The following BSPRY variants were observed in gnomAD, a reference collection of about 807,000 sequenced individuals.
BSPRY encodes the protein B-box and SPRY domain containing, also known as B box and SPRY domain-containing protein.
Under a neutral mutation model 38.0 loss-of-function variants are expected in BSPRY, and 33 were observed. The ratio of observed to expected loss-of-function variants is 0.87; its 90% CI spans 0.66 to 1.16. The LOEUF is 1.16. Ranked by LOEUF, BSPRY falls within the 50% of genes most tolerant of loss-of-function variation. The pLI is 0.00. For synonymous variants in BSPRY, 224 were observed against 228.5 expected, an observed-to-expected ratio of 0.98 and a Z score of 0.18; for missense variants, 523 against 533.2, an observed-to-expected ratio of 0.98 and a Z score of 0.19.
At position 113,369,737 on chromosome 9, in the gene BSPRY, CT is replaced by C. The variant is rs780241775; in HGVS notation, c.806del (p.Phe269SerfsTer22). On this transcript the variant is annotated frameshift_variant, in exon 6 of 6. Transcript: ENST00000374183. LOFTEE classifies it high-confidence loss of function. ...AGGCCTGTGCAGATGGCCCGGAGCGCTTCGACCACTGGCCCAATGCCCTGGC... is the reference window on the plus strand; with the variant it reads ...AGGCCTGTGCAGATGGCCCGGAGCGCTCGACCACTGGCCCAATGCCCTGGC... ...SKACADGPER[F>X]DHWPNALAAT... The C allele has an allele frequency of 2.5e-6, 4 of 1,614,122 alleles. No individual in the cohort carries two copies. The African/African-American group carries it at 4.0e-5, about 16-fold the overall frequency.
intron 2 of BSPRY, among the ~76,000 whole-genome samples, chr9:113,355,678 G>A (rs1476047193): frequency 1.3e-5 from 2 of 150,692 alleles, no homozygotes; most frequent in South Asian, 2.1e-4. Flanking sequence ...GCAATGGCGC[G>A]ATCTCGGCTC....
chr9:113,350,304 C>T (rs1181798478), intron 1 of BSPRY, among the ~76,000 whole-genome samples: 1 of 152,124 alleles, frequency 6.6e-6, no homozygotes, highest in African/African-American at 2.4e-5. Flanking sequence ...CTCCTCCTTT[C>T]GCCTCTTCCC....
chr9:113,356,309 C>T (rs1455667445), intron 2 of BSPRY, among the ~76,000 whole-genome samples: 2 of 152,038 alleles, frequency 1.3e-5, no homozygotes, highest in African/African-American at 4.8e-5. Context: ...TCCAGACCAT[C>T]CTGGCTAACG....
At position 113,369,695 on chromosome 9, in the gene BSPRY, C is replaced by G; in HGVS notation, c.762C>G (p.Phe254Leu). The change falls in exon 6 of 6, where the codon TTC (phenylalanine) becomes TTG (leucine). Residue 254 changes from phenylalanine (F) to leucine (L), a missense_variant. By Grantham distance (22) the Phe-to-Leu change is conservative. Transcript: ENST00000374183. Reference protein sequence around the residue: ...QLSDDRKTLTFSTKKSKACAD... With the variant: ...QLSDDRKTLTLSTKKSKACAD... Reference sequence around the variant, plus strand: ...CAGATGATCGAAAGACCCTGACCTTCAGCACCAAGAAGTCAAAGGCCTGTG... The same window carrying G: ...CAGATGATCGAAAGACCCTGACCTTGAGCACCAAGAAGTCAAAGGCCTGTG... 6.2e-7 allele frequency: 1 copy of G among 1,614,112 alleles called. No homozygotes were observed. The highest frequency in any genetic ancestry group is 2.2e-5 in the East Asian group (1 of 44,896).
chr9:113,364,774 A>C (rs954241331), intron 4 of BSPRY, among the ~76,000 whole-genome samples: 3 of 152,164 alleles, frequency 2.0e-5, no homozygotes, highest in Non-Finnish European at 4.4e-5. Context: ...AAACAAAGAC[A>C]TTCCCTTACA....
chr9:113,352,356 A>G (rs541658193), intron 1 of BSPRY, among the ~76,000 whole-genome samples: 35 of 152,332 alleles, frequency 2.3e-4, no homozygotes, highest in African/African-American at 7.7e-4. Flanking sequence ...AACACATAAT[A>G]TATAGTCAGA....
intron 3 of BSPRY, 71 bp from the exon 4 acceptor site, chr9:113,362,297 TA>T: frequency 2.6e-6 from 4 of 1,560,460 alleles, no homozygotes; most frequent in Non-Finnish European, 3.5e-6. Context: ...TTCTGGTAGT[TA>T]AATCTGTCTT....
Position 113,349,798 on chromosome 9 carries a change from C to T in BSPRY, c.201+18C>T. 1.6e-6 allele frequency: 2 copies of T among 1,225,594 alleles called. No individual in the cohort carries two copies. The highest frequency in any genetic ancestry group is 2.0e-6 in the Non-Finnish European group (2 of 983,986). 75.9% of individuals were successfully genotyped at this position (1,225,594 alleles called of 1,614,324 possible). On this transcript the variant is annotated intron_variant, in intron 1 of 5. Coordinates refer to ENST00000374183, the MANE Select transcript of BSPRY (RefSeq NM_017688.3). ...AGCTGCGGGTGAGCGGGTGTGGGCG[C>T]CGGAAGGCGAGGGCTCCGGAGACCC...
At chr9:113,356,725 A>G (rs1834065961) in intron 2 of BSPRY, among the ~76,000 whole-genome samples, 3 of 152,192 alleles carry the variant, frequency 2.0e-5, no homozygotes, top group South Asian at 4.1e-4. Flanking sequence ...GATGTAGGCT[A>G]TGAAAGAAAG....
chr9:113,368,119 C>G, intron 4 of BSPRY, 140 bp from the exon 5 acceptor site: 2 of 1,036,566 alleles, frequency 1.9e-6, no homozygotes, highest in Admixed American at 4.0e-5. Context: ...CAGGGGTGAG[C>G]CACTGCACCT....
At position 113,369,883 on chromosome 9, in the gene BSPRY, G is replaced by A. The variant is rs763014503; in HGVS notation, c.950G>A (p.Arg317His). The A allele has an allele frequency of 9.9e-6, 16 of 1,614,124 alleles. No individual in the cohort carries two copies. Among genetic ancestry groups the A allele is most frequent in the South Asian group, 3.3e-5 (3 of 91,094 alleles). The part of the protein sequence containing the change: ...LPRKGSGSDC[R>H]LGHNAFSWVF... ...CGCAAGGGTTCTGGCAGTGACTGCC[G>A]TCTGGGCCACAATGCCTTCTCCTGG... The change falls in exon 6 of 6, where the codon CGT becomes CAT. Residue 317 changes from arginine to histidine, a missense_variant. By Grantham distance (29) the Arg-to-His change is conservative (BLOSUM62 0). Transcript: ENST00000374183.
At chr9:113,368,405 G>T (rs764829200) in intron 5 of BSPRY, 22 bp downstream of exon 5, 6 of 1,609,254 alleles carry the variant, frequency 3.7e-6, no homozygotes, top group Non-Finnish European at 4.2e-6. Flanking sequence ...TAGAGCCCAG[G>T]ACCATTAGGA....
intron 2 of BSPRY, among the ~76,000 whole-genome samples, chr9:113,356,318 C>A (rs181960880): frequency 3.3e-5 from 5 of 152,002 alleles, no homozygotes; most frequent in Admixed American, 2.0e-4. Flanking sequence ...TCCTGGCTAA[C>A]GCGGTGAAAC....
chr9:113,369,609 C>T lies in BSPRY; in HGVS notation c.683-7C>T. Reference sequence around the variant, plus strand: ...CCCTCGGCAACTCTGAGAATTCTTTCTGGCAGGCACAGAGGACATACGGAT... The same window carrying T: ...CCCTCGGCAACTCTGAGAATTCTTTTTGGCAGGCACAGAGGACATACGGAT... On this transcript the variant is annotated splice_region_variant and splice_polypyrimidine_tract_variant and intron_variant, in intron 5 of 5. Transcript: ENST00000374183. 1.9e-6 allele frequency: 3 copies of T among 1,593,612 alleles called. No individual in the cohort carries two copies. The highest frequency in any genetic ancestry group is 1.7e-6 in the Non-Finnish European group (2 of 1,168,052).
In BSPRY at chr9:113,370,221, G is replaced by A; in HGVS notation, c.*79G>A. On this transcript the variant is annotated 3_prime_UTR_variant, in exon 6 of 6. Coordinates refer to ENST00000374183, the MANE Select transcript of BSPRY (RefSeq NM_017688.3). The surrounding 1 kb of genome is among the most constrained non-coding windows in gnomAD (Gnocchi z 4.8). The stretch of plus-strand genomic sequence containing the variant: ...TCTACTCAGTGTGCTTTTCCCAAAT[G>A]ATGTGTGTGGTGTTTCTAAGAGAAA... The A allele has an allele frequency of 1.4e-6, 2 of 1,466,560 alleles. No individual in the cohort carries two copies. The highest frequency in any genetic ancestry group is 1.8e-6 in the Non-Finnish European group (2 of 1,092,094). 90.8% of individuals were successfully genotyped at this position (1,466,560 alleles called of 1,614,324 possible). A position where few individuals can be genotyped will look rare whatever the true frequency, so the allele number is the denominator to read the frequency against.
intron 4 of BSPRY, among the ~76,000 whole-genome samples, chr9:113,364,322 T>C (rs1012546512): frequency 1.3e-5 from 2 of 152,252 alleles, no homozygotes; most frequent in East Asian, 1.9e-4. Context: ...TTGTGAAATA[T>C]TGCAGTGTAG....
At chr9:113,356,673 T>A (rs1220942911) in intron 2 of BSPRY, among the ~76,000 whole-genome samples, 1 of 152,192 alleles carries the variant, frequency 6.6e-6, no homozygotes, top group Non-Finnish European at 1.5e-5. Flanking sequence ...GGCTAGATTC[T>A]GCATATATTT....
At chr9:113,361,350 T>C (rs984955338) in intron 3 of BSPRY, among the ~76,000 whole-genome samples, 5 of 152,246 alleles carry the variant, frequency 3.3e-5, no homozygotes, top group African/African-American at 1.2e-4. Flanking sequence ...CTATGTTTCT[T>C]TGGCACTGAT....
At chr9:113,360,761 A>G (rs901913655) in intron 3 of BSPRY, 24 bp downstream of exon 3, 3 of 1,540,254 alleles carry the variant, frequency 1.9e-6, no homozygotes, top group Non-Finnish European at 2.6e-6. Context: ...GGGTGAGGGC[A>G]TGACCAGTTG....
Sources: allele counts gnomAD v4.1 joint callset (sites outside exome capture counted in the v4.1 genomes callset), GRCh38; gene constraint gnomAD v4.1.1; non-coding constraint Gnocchi (gnomAD v3.1); transcripts MANE v1.5; gene names NCBI Gene and HGNC (gene_info 2026-07-23, HGNC 2026-07-21).